Variants in SMARCA2 observed in about 807,000 individuals in gnomAD.
The protein encoded by SMARCA2 is SWI/SNF-related matrix-associated actin-dependent regulator of chromatin subfamily A member 2.
Under a neutral mutation model 199.8 loss-of-function variants are expected in SMARCA2, and 61 were observed. That is an observed-to-expected ratio of 0.31 (90% CI 0.25 to 0.38). The LOEUF is 0.38. SMARCA2 is among the 10% of genes least tolerant of loss of function. The pLI is 1.00. For synonymous variants in SMARCA2, 935 were observed against 732.0 expected (o/e 1.28, Z -4.48); for missense variants, 1,344 against 2,012.2 (o/e 0.67, Z 6.35).
rs145477058 is a variant in SMARCA2 at position 2,018,781 on chromosome 9, G to C, written c.-37+3377G>C. Among the ~76,000 whole-genome samples the C allele has an allele frequency of 6.6e-4, 100 of 152,318 alleles. 1 individual carries two copies. The highest frequency in any genetic ancestry group is 2.3e-3 in the African/African-American group (96 of 41,568). ...TTTAAAAAGCCATACCCAATGTTAT[G>C]TGTGTGTATACTTACATATTCACAT... On this transcript the variant is annotated intron_variant, in intron 1 of 33. Transcript: ENST00000349721.
intron 5 of SMARCA2, among the ~76,000 whole-genome samples, chr9:2,052,250 G>T (rs1291120155): frequency 6.6e-6 from 1 of 152,248 alleles, no homozygotes; most frequent in Non-Finnish European, 1.5e-5. Context: ...GATGCCTGCG[G>T]ATCACCTGAG....
chr9:2,104,520 T>A lies in SMARCA2; in HGVS notation c.3292+351T>A, dbSNP rs1265049392. Among the ~76,000 whole-genome samples, 1 of 152,232 alleles carries A rather than the reference T, an allele frequency of 6.6e-6. No homozygotes were observed. The highest frequency in any genetic ancestry group is 1.5e-5 in the Non-Finnish European group (1 of 68,036). ...TAGAATACATTGACACACCTTTAAC[T>A]TTTTCAGTTAAGGCATATTTTAAGG... On this transcript the variant is annotated intron_variant, in intron 23 of 33. Transcript: ENST00000349721. The surrounding 1 kb of genome is among the most constrained non-coding windows in gnomAD (Gnocchi z 4.0).
Position 2,039,422 on chromosome 9 carries a change from G to A in SMARCA2, c.356-44G>A. ...TATTCAGGGATATCTCTCTTTCAGGGTTGTCAGGGGCAGCCTGTGATTTCC... is the reference window on the plus strand; with the variant it reads ...TATTCAGGGATATCTCTCTTTCAGGATTGTCAGGGGCAGCCTGTGATTTCC... On this transcript the variant is annotated intron_variant, in intron 3 of 33. Coordinates refer to ENST00000349721, the MANE Select transcript of SMARCA2 (RefSeq NM_003070.5). The surrounding 1 kb of genome is among the most constrained non-coding windows in gnomAD (Gnocchi z 4.8). 6 of 1,582,058 alleles carry A rather than the reference G, an allele frequency of 3.8e-6. No individual in the cohort carries two copies. The highest frequency in any genetic ancestry group is 5.2e-6 in the Non-Finnish European group (6 of 1,162,146).
rs555953154 is a variant in SMARCA2, at chr9:2,151,534, C to T, written c.3982-10152C>T. ...ATCACCTGAGGCCACGAATTTGAGA[C>T]CAGCCTGGTCAACACAGTGAAACCC... On this transcript the variant is annotated intron_variant, in intron 27 of 33. Coordinates refer to ENST00000349721, the MANE Select transcript of SMARCA2 (RefSeq NM_003070.5). Among the ~76,000 whole-genome samples the T allele has an allele frequency of 4.6e-5, 7 of 152,030 alleles. No homozygotes were observed. The East Asian group carries it at 1.4e-3, about 29-fold the overall frequency.
intron 28 of SMARCA2, 108 bp downstream of exon 28, chr9:2,162,011 T>TTTC: frequency 1.2e-6 from 1 of 824,090 alleles, no homozygotes; most frequent in South Asian, 1.9e-5. Context: ...ATTAAGGTTC[T>TTTC]TTCTAGTTTG....
At chr9:2,019,660 A>G (rs558979960) in intron 1 of SMARCA2, among the ~76,000 whole-genome samples, 6 of 152,332 alleles carry the variant, frequency 3.9e-5, no homozygotes, top group African/African-American at 7.2e-5. Context: ...TCTACAGGCC[A>G]GTATAAAAGC....
At chr9:2,018,377 C>G (rs189179880) in intron 1 of SMARCA2, among the ~76,000 whole-genome samples, 1 of 152,120 alleles carries the variant, frequency 6.6e-6, no homozygotes, top group Non-Finnish European at 1.5e-5. Context: ...TCCTCCCTAA[C>G]CTGATGGAGG....
chr9:2,179,100 T>G (rs1448658394), intron 29 of SMARCA2, among the ~76,000 whole-genome samples: 1 of 152,178 alleles, frequency 6.6e-6, no homozygotes, highest in East Asian at 1.9e-4. Flanking sequence ...CAGAGAACTT[T>G]CCAGCTATGG....
At chr9:2,157,792 G>T in intron 27 of SMARCA2, 1 of 397,658 alleles carries the variant, frequency 2.5e-6, no homozygotes, top group South Asian at 1.3e-4. Context: ...GTGATACTGT[G>T]AACCACGCAT....
At chr9:2,043,803 C>T (rs1326086245) in intron 4 of SMARCA2, 1 of 152,134 alleles carries the variant, frequency 6.6e-6, no homozygotes, top group East Asian at 1.9e-4. Context: ...AAAGACTGCC[C>T]CCTCCCCGCT....
At chr9:2,149,128 C>G (rs182899012) in intron 27 of SMARCA2, among the ~76,000 whole-genome samples, 142 of 151,594 alleles carry the variant, frequency 9.4e-4, no homozygotes, top group Admixed American at 7.2e-3. Flanking sequence ...ATTGGACTTA[C>G]AGTTCCACAT....
In SMARCA2 at chr9:2,081,942, T is replaced by C. The variant is rs756652635; in HGVS notation, c.2295T>C (p.Tyr765=). 4.8e-5 allele frequency: 77 copies of C among 1,613,740 alleles called. No individual in the cohort carries two copies. Among genetic ancestry groups the C allele is most frequent in the Admixed American group, 1.5e-4 (9 of 60,004 alleles). Residue 765 remains tyrosine, a synonymous_variant, in exon 15 of 34, where the codon TAT becomes TAC. Coordinates refer to ENST00000349721, the MANE Select transcript of SMARCA2 (RefSeq NM_003070.5). ...TACAGACCATTGCACTCATCACTTA[T>C]CTGATGGAGCACAAAAGACTCAATG... is the stretch of plus-strand genomic sequence containing the variant. ...KTIQTIALIT[Y]LMEHKRLNGP...
chr9:2,034,668 G>C (rs1819241823), intron 3 of SMARCA2, among the ~76,000 whole-genome samples: 1 of 152,196 alleles, frequency 6.6e-6, no homozygotes, highest in African/African-American at 2.4e-5. Context: ...AAGACTTTTG[G>C]CTGTGAGGAT....
chr9:2,187,945 T>C (rs1827596579), intron 32 of SMARCA2, among the ~76,000 whole-genome samples: 1 of 152,066 alleles, frequency 6.6e-6, no homozygotes, highest in Admixed American at 6.5e-5. Context: ...TGCTATGTTT[T>C]TATAAACAAA....
chr9:2,189,343 A>T (rs778605222), intron 32 of SMARCA2, among the ~76,000 whole-genome samples: 1 of 152,024 alleles, frequency 6.6e-6, no homozygotes, highest in Non-Finnish European at 1.5e-5. Context: ...TTTTGGAGAG[A>T]CATATCCACT....
At chr9:2,140,917 T>C (rs1336430013) in intron 27 of SMARCA2, among the ~76,000 whole-genome samples, 2 of 152,138 alleles carry the variant, frequency 1.3e-5, no homozygotes, top group Non-Finnish European at 2.9e-5. Context: ...GACTTTTTTT[T>C]TTAAGGGCCA....
At chr9:2,137,556 C>A (rs367763800) in intron 27 of SMARCA2, among the ~76,000 whole-genome samples, 1 of 152,172 alleles carries the variant, frequency 6.6e-6, no homozygotes, top group African/African-American at 2.4e-5. Flanking sequence ...TCCAGAGAGA[C>A]CCTTCCTGGC....
At chr9:2,054,814 A>G in intron 6 of SMARCA2, 91 bp downstream of exon 6, 1 of 1,319,586 alleles carries the variant, frequency 7.6e-7, no homozygotes, top group Admixed American at 2.0e-5. Flanking sequence ...TCTATTCAAT[A>G]TTGTTACAAA....
At position 2,176,066 on chromosome 9, in the gene SMARCA2, A is replaced by C. The variant is rs188104534; in HGVS notation, c.4254-5505A>C. Among the ~76,000 whole-genome samples, 13 of 152,008 alleles carry C rather than the reference A, an allele frequency of 8.6e-5. No homozygotes were observed. The East Asian group carries it at 2.3e-3, about 27-fold the overall frequency. On this transcript the variant is annotated intron_variant, in intron 29 of 33. Coordinates refer to ENST00000349721, the MANE Select transcript of SMARCA2 (RefSeq NM_003070.5). ...CGGCTAATTTTTTTATTTTTGGTAAAGATGAGGTTTCTCCATGTTGGTCAG... is the reference window on the plus strand; with the variant it reads ...CGGCTAATTTTTTTATTTTTGGTAACGATGAGGTTTCTCCATGTTGGTCAG...
Sources: allele counts gnomAD v4.1 joint callset (sites outside exome capture counted in the v4.1 genomes callset), GRCh38; gene constraint gnomAD v4.1.1; non-coding constraint Gnocchi (gnomAD v3.1); transcripts MANE v1.5; gene names NCBI Gene and HGNC (gene_info 2026-07-23, HGNC 2026-07-21).